PIGZ: variants seen among roughly 807,000 people sequenced by gnomAD.
PIGZ encodes phosphatidylinositol glycan anchor biosynthesis class Z (Gwada blood group), also known as GPI alpha-1,2-mannosyltransferase 4.
Under a neutral mutation model 16.4 loss-of-function variants are expected in PIGZ, and 16 were observed. That is an observed-to-expected ratio of 0.97 (90% CI 0.66 to 1.48). The LOEUF (loss-of-function observed/expected upper bound fraction) is 1.48. Ranked by LOEUF, PIGZ falls within the 40% of genes most tolerant of loss-of-function variation. The pLI, the probability that PIGZ is intolerant of heterozygous loss-of-function variation, is 0.00. For missense variants in PIGZ, 770 were observed against 739.2 expected, an observed-to-expected ratio of 1.04 and a Z score of -0.48; for synonymous variants, 409 against 338.4, an observed-to-expected ratio of 1.21 and a Z score of -2.29.
In PIGZ at chr3:196,947,058, C is replaced by A. The variant is rs1045668729; in HGVS notation, c.*99G>T. 2.7e-6 allele frequency: 3 copies of A among 1,093,856 alleles called. No homozygotes were observed. The highest frequency in any genetic ancestry group is 3.9e-6 in the Non-Finnish European group (3 of 769,878). 67.8% of individuals were successfully genotyped at this position (1,093,856 alleles called of 1,614,324 possible). ...CAGCAGTGGGAGTCATGAAGGAGGA[C>A]GGGGTCCTGTCCCAGCGTCCCAGCC... is the stretch of plus-strand genomic sequence containing the variant. On this transcript the variant is annotated 3_prime_UTR_variant, in exon 3 of 3. Transcript: ENST00000412723.
At chr3:196,951,526 T>A (rs1334508812) in intron 2 of PIGZ, 1 of 442,690 alleles carries the variant, frequency 2.3e-6, no homozygotes, top group African/African-American at 2.0e-5. Context: ...AGTGTTCCCA[T>A]GGGAAGTCCA....
chr3:196,964,956 C>T (rs143759595), intron 1 of PIGZ, among the ~76,000 whole-genome samples: 5 of 152,236 alleles, frequency 3.3e-5, no homozygotes, highest in East Asian at 1.9e-4. Context: ...AAGATGGACC[C>T]GGTCTGTTTG....
intron 1 of PIGZ, among the ~76,000 whole-genome samples, chr3:196,964,899 C>T (rs2108920830): frequency 6.6e-6 from 1 of 152,268 alleles, no homozygotes; most frequent in East Asian, 1.9e-4. Flanking sequence ...CACAAATGAA[C>T]AGGCTTTTTG....
In PIGZ at chr3:196,947,247, C is replaced by A; in HGVS notation, c.1650G>T (p.Leu550=). 6.2e-7 allele frequency: 1 copy of A among 1,612,912 alleles called. No homozygotes were observed. The highest frequency in any genetic ancestry group is 8.5e-7 in the Non-Finnish European group (1 of 1,179,384). Residue 550 remains leucine (L), a synonymous_variant, in exon 3 of 3, where the codon CTG becomes CTT. Transcript: ENST00000412723. ...NETLLFPHLT[L]EDPPALSSLL... ...AGGAGGACAGGGCTGGTGGATCCTC[C>A]AGGGTCAGATGGGGAAATAAAAGTG...
At chr3:196,949,592 C>T (rs879828275) in intron 2 of PIGZ, among the ~76,000 whole-genome samples, 2 of 152,196 alleles carry the variant, frequency 1.3e-5, no homozygotes, top group Admixed American at 6.5e-5. Flanking sequence ...GCAGAGAGCC[C>T]GTGCTGCCCT....
chr3:196,948,517 A>G lies in PIGZ; in HGVS notation c.380T>C (p.Val127Ala), dbSNP rs746460358. 1 of 1,612,096 alleles carries G rather than the reference A, an allele frequency of 6.2e-7. No individual in the cohort carries two copies. Among genetic ancestry groups the G allele is most frequent in the Non-Finnish European group, 8.5e-7 (1 of 1,179,124 alleles). Residue 127 changes from valine to alanine, a missense_variant, in exon 3 of 3, where the codon GTG becomes GCG. Physicochemically the swap from Val to Ala is moderately conservative, Grantham distance 64. Transcript: ENST00000412723. ...GGCAGTGAGGAGGAGTCGAGGCCCC[A>G]CCAGCAGCGCATAGCCGCTCACCAG... ...PGLVSGYALL[V>A]GPRLLLTALS... is the part of the protein sequence containing the mutation.
Position 196,948,609 on chromosome 3 carries a change from G to C in PIGZ, c.288C>G (p.Pro96=), listed in dbSNP as rs769524613. ...AGAAGGTGGAACCAGAGATCAGCAG[G>C]GGGAAGAGCACCGAGCGGCAGGAGC... ...PSSSCRSVLF[P]LLISGSTFWL... The change falls in exon 3 of 3, where the codon CCC becomes CCG. Residue 96 remains proline (P), a synonymous_variant. Coordinates refer to ENST00000412723, the MANE Select transcript of PIGZ (RefSeq NM_025163.4). 119 of 1,554,354 alleles carry C rather than the reference G, an allele frequency of 7.7e-5. No homozygotes were observed. The highest frequency in any genetic ancestry group is 9.7e-5 in the Non-Finnish European group (112 of 1,153,318).
rs1716939125 is a variant in PIGZ at position 196,947,411 on chromosome 3, A to G, written c.1486T>C (p.Cys496Arg). 1 of 1,613,868 alleles carries G rather than the reference A, an allele frequency of 6.2e-7. No individual in the cohort carries two copies. The highest frequency in any genetic ancestry group is 8.5e-7 in the Non-Finnish European group (1 of 1,180,010). ...CTGGTGAAGCTTTTCAGGGTTTGGC[A>G]CAGGGCCCAGTCCTCAGTCCCCCCC... ...DMGGTEDWALCQTLKSFTRQP... is the reference protein window; with the variant it reads ...DMGGTEDWALRQTLKSFTRQP... Residue 496 changes from cysteine to arginine, a missense_variant, in exon 3 of 3, where the codon TGC (cysteine) becomes CGC (arginine). Coordinates refer to ENST00000412723, the MANE Select transcript of PIGZ (RefSeq NM_025163.4).
intron 2 of PIGZ, chr3:196,951,600 G>C: frequency 1.7e-6 from 1 of 590,400 alleles, no homozygotes; most frequent in Non-Finnish European, 3.0e-6. Context: ...AAAGAGACTG[G>C]TGGTTTATTA....
At chr3:196,962,200 G>C (rs1027388728) in intron 1 of PIGZ, among the ~76,000 whole-genome samples, 4 of 152,146 alleles carry the variant, frequency 2.6e-5, no homozygotes, top group Non-Finnish European at 5.9e-5. Flanking sequence ...AGAAACATGC[G>C]CTGTATTGAC....
Position 196,948,433 on chromosome 3 carries a change from C to A in PIGZ, c.464G>T (p.Arg155Leu), listed in dbSNP as rs150001262. ...YHLAPPMGAD[R>L]WNALALLSGS... ...AGACAGCAGGGCCAGGGCGTTCCAG[C>A]GATCCGCCCCCATCGGCGGGGCCAG... The change falls in exon 3 of 3, where the codon CGC becomes CTC. Residue 155 changes from arginine (R) to leucine (L), a missense_variant. Coordinates refer to ENST00000412723, the MANE Select transcript of PIGZ (RefSeq NM_025163.4). 3 of 1,614,036 alleles carry A rather than the reference C, an allele frequency of 1.9e-6. No homozygotes were observed. In the South Asian group the frequency reaches 3.3e-5, roughly 18 times the overall value.
chr3:196,951,748 C>G, intron 2 of PIGZ, 73 bp downstream of exon 2: 4 of 1,456,342 alleles, frequency 2.7e-6, no homozygotes, highest in Non-Finnish European at 3.8e-6. Context: ...TACTCCCTCC[C>G]CACAAAGTCT....
At chr3:196,954,252 C>T (rs532071) in intron 1 of PIGZ, among the ~76,000 whole-genome samples, 130,181 of 152,172 alleles carry the variant, frequency 0.86, 56,211 homozygotes, top group African/African-American at 0.96. Context: ...ACCACAGCAC[C>T]CTAGCCTGGA....
At chr3:196,963,727 A>G (rs1483441682) in intron 1 of PIGZ, among the ~76,000 whole-genome samples, 1 of 152,218 alleles carries the variant, frequency 6.6e-6, no homozygotes, top group Non-Finnish European at 1.5e-5. Flanking sequence ...GGAAGGAGGA[A>G]GGAGGCAGAG....
chr3:196,947,233 G>T lies in PIGZ; in HGVS notation c.1664C>A (p.Ala555Asp). ...AGCCCCACTCAGCAAGGAGGACAGGGCTGGTGGATCCTCCAGGGTCAGATG... is the reference window on the plus strand; with the variant it reads ...AGCCCCACTCAGCAAGGAGGACAGGTCTGGTGGATCCTCCAGGGTCAGATG... ...FPHLTLEDPP[A>D]LSSLLSGAWR... Residue 555 changes from alanine to aspartate, a missense_variant, in exon 3 of 3, where the codon GCC becomes GAC. Coordinates refer to ENST00000412723, the MANE Select transcript of PIGZ (RefSeq NM_025163.4). The T allele has an allele frequency of 6.2e-7, 1 of 1,610,370 alleles. No homozygotes were observed. The highest frequency in any genetic ancestry group is 8.5e-7 in the Non-Finnish European group (1 of 1,178,048).
At chr3:196,959,259 C>A (rs1717617499) in intron 1 of PIGZ, among the ~76,000 whole-genome samples, 1 of 152,238 alleles carries the variant, frequency 6.6e-6, no homozygotes, top group African/African-American at 2.4e-5. Context: ...TTGCCTGGGG[C>A]TGCTCCATCT....
At chr3:196,953,100 T>A (rs1717354904) in intron 1 of PIGZ, among the ~76,000 whole-genome samples, 1 of 152,202 alleles carries the variant, frequency 6.6e-6, no homozygotes, top group Non-Finnish European at 1.5e-5. Flanking sequence ...TTGTGGGACT[T>A]CACCAGCCCC....
At position 196,951,953 on chromosome 3, in the gene PIGZ, G is replaced by A; in HGVS notation, c.79C>T (p.Gln27Ter). 6.2e-7 allele frequency: 1 copy of A among 1,614,174 alleles called. No individual in the cohort carries two copies. Among genetic ancestry groups the A allele is most frequent in the Non-Finnish European group, 8.5e-7 (1 of 1,180,038 alleles). The change falls in exon 2 of 3, where the codon CAA becomes TAA. Residue 27 changes from glutamine (Q) to a stop codon, truncating the protein, a stop_gained. Coordinates refer to ENST00000412723, the MANE Select transcript of PIGZ (RefSeq NM_025163.4). LOFTEE classifies it high-confidence loss of function. ...CTGACTGCCATCTTCAGATCCAGTT[G>A]TTGCCAACACACCGGGCCCAAAACC... Reference protein sequence around the residue: ...FQVLGPVCWQQLDLKMAVRVL... With the variant: ...FQVLGPVCWQ
intron 1 of PIGZ, among the ~76,000 whole-genome samples, chr3:196,959,668 A>G (rs1717631116): frequency 6.6e-6 from 1 of 152,096 alleles, no homozygotes; most frequent in African/African-American, 2.4e-5. Flanking sequence ...TCCTCAAACC[A>G]TCTGCATTCA....
Sources: allele counts gnomAD v4.1 joint callset (sites outside exome capture counted in the v4.1 genomes callset), GRCh38; gene constraint gnomAD v4.1.1; transcripts MANE v1.5; gene names NCBI Gene and HGNC (gene_info 2026-07-23, HGNC 2026-07-21).